ENTPD1: variants seen among roughly 807,000 people sequenced by gnomAD.
ENTPD1 encodes ectonucleoside triphosphate diphosphohydrolase 1.
In ENTPD1, 33 loss-of-function variants were observed where a neutral mutation model predicts 57.0. That is an observed-to-expected ratio of 0.58 (90% CI 0.44 to 0.77). The LOEUF (loss-of-function observed/expected upper bound fraction) is 0.77. ENTPD1 is among the 30% of genes least tolerant of loss of function. ENTPD1 has a pLI of 0.00. For synonymous variants in ENTPD1, 202 were observed against 218.8 expected (o/e 0.92, Z 0.68); for missense variants, 501 against 603.4 (o/e 0.83, Z 1.78).
the ENTPD1 span, among the ~76,000 whole-genome samples, chr10:95,696,709 A>G: frequency 2.0e-5 from 3 of 152,230 alleles, no homozygotes; most frequent in Non-Finnish European, 4.4e-5. Context: ...TGTCATGCAG[A>G]TGTCAGGTTT....
In ENTPD1 at chr10:95,856,642, A is replaced by G. The variant is rs184303643; in HGVS notation, c.1075-3827A>G. On this transcript the variant is annotated intron_variant, in intron 7 of 9. Coordinates refer to ENST00000371205, the MANE Select transcript of ENTPD1 (RefSeq NM_001776.6). ...GACAAAGAAAATGTGGTAAATATATATATGTATGCATATATATATATATAT... is the reference window on the plus strand; with the variant it reads ...GACAAAGAAAATGTGGTAAATATATGTATGTATGCATATATATATATATAT... 1.3e-3 allele frequency among the ~76,000 whole-genome samples: 164 copies of G among 122,268 alleles called. 2 individuals are homozygous for G. In the East Asian group the frequency reaches 0.029, roughly 21 times the overall value. The allele number at this position is 122,268 out of a possible 152,430, so 80.2% of individuals were successfully genotyped here.
Position 95,867,887 on chromosome 10 carries a change from AAACTT to A in ENTPD1, c.*1507_*1511del. ...TTTGACAACATCCAGGTGAATATAA[AAACTT>A]AATAAAGCTGTGGAAAGGAACTCTT... is the stretch of plus-strand genomic sequence containing the variant. On this transcript the variant is annotated 3_prime_UTR_variant, in exon 10 of 10. Transcript: ENST00000371205. 1.0e-6 allele frequency: 1 copy of A among 985,452 alleles called. No homozygotes were observed. Among genetic ancestry groups the A allele is most frequent in the Non-Finnish European group, 1.2e-6 (1 of 829,926 alleles). 61.0% of individuals were successfully genotyped at this position (985,452 alleles called of 1,614,324 possible).
intron 1 of ENTPD1, among the ~76,000 whole-genome samples, chr10:95,818,484 T>C (rs1388005116): frequency 1.3e-5 from 2 of 152,096 alleles, no homozygotes; most frequent in Non-Finnish European, 2.9e-5. Flanking sequence ...AAGATTTCTA[T>C]AGCCACATGA....
At chr10:95,738,863 G>A (rs1217804600) in intron 1 of ENTPD1, among the ~76,000 whole-genome samples, 3 of 152,108 alleles carry the variant, frequency 2.0e-5, no homozygotes, top group Admixed American at 1.3e-4. Context: ...AAAAGAATTT[G>A]CACTCAGACT....
rs548211847 is a variant in ENTPD1 at position 95,835,609 on chromosome 10, C to T, written c.145-4082C>T. Among the ~76,000 whole-genome samples the T allele has an allele frequency of 5.3e-5, 8 of 152,202 alleles. 1 individual carries two copies. Among genetic ancestry groups the T allele is most frequent in the Non-Finnish European group, 1.0e-4 (7 of 68,034 alleles). On this transcript the variant is annotated intron_variant, in intron 2 of 9. Coordinates refer to ENST00000371205, the MANE Select transcript of ENTPD1 (RefSeq NM_001776.6). ...CAATCTTGCCAGCATCTGTTATTTT[C>T]TGACTTCTTAATAGCCATTCTGACT...
chr10:95,856,521 G>C (rs755410128), intron 7 of ENTPD1, among the ~76,000 whole-genome samples: 1 of 152,052 alleles, frequency 6.6e-6, no homozygotes, highest in Admixed American at 6.6e-5. Context: ...ATAAGTCATT[G>C]TATGAAAAAG....
rs937360529 is a variant in ENTPD1, at chr10:95,872,995, C to T, written c.*6612C>T. ...AGGATTAGAATGAACCTTAAAAGAT[C>T]ATGCATCTCAAAATTTAATGTACAT... On this transcript the variant is annotated 3_prime_UTR_variant, in exon 10 of 10. Coordinates refer to ENST00000371205, the MANE Select transcript of ENTPD1 (RefSeq NM_001776.6). 3.0e-6 allele frequency: 3 copies of T among 984,602 alleles called. No homozygotes were observed. Among genetic ancestry groups the T allele is most frequent in the Admixed American group, 1.2e-4 (2 of 16,258 alleles). The allele number at this position is 984,602 out of a possible 1,614,324, so 61.0% of individuals were successfully genotyped here.
chr10:95,708,282 C>T (rs189318001), upstream of ENTPD1, among the ~76,000 whole-genome samples: 23 of 151,752 alleles, frequency 1.5e-4, no homozygotes, highest in Admixed American at 1.3e-3. Context: ...GCCGTGACCT[C>T]GGCTCACTAC....
chr10:95,744,115 G>A (rs374939218), intron 1 of ENTPD1, among the ~76,000 whole-genome samples: 68 of 145,126 alleles, frequency 4.7e-4, no homozygotes, highest in African/African-American at 1.5e-3. Context: ...TGTCTCTAAC[G>A]TTAATCCATT....
At chr10:95,799,185 T>G (rs1415998311) in intron 1 of ENTPD1, among the ~76,000 whole-genome samples, 1 of 152,214 alleles carries the variant, frequency 6.6e-6, no homozygotes, top group Non-Finnish European at 1.5e-5. Flanking sequence ...TGTGCAGGTC[T>G]GTTATATAGG....
chr10:95,810,330 G>C (rs1411799102), intron 1 of ENTPD1, among the ~76,000 whole-genome samples: 2 of 146,916 alleles, frequency 1.4e-5, no homozygotes, highest in African/African-American at 2.5e-5. Flanking sequence ...TCAGTTCCCA[G>C]ATGGGGCGGC....
chr10:95,714,984 G>A (rs1398139266), intron 1 of ENTPD1, among the ~76,000 whole-genome samples: 6 of 152,248 alleles, frequency 3.9e-5, no homozygotes, highest in African/African-American at 7.2e-5. Flanking sequence ...GAAAAGAATC[G>A]TTAAGTTTTC....
rs779049792 is a variant in ENTPD1 at position 95,860,543 on chromosome 10, T to A, written c.1149T>A (p.Thr383=). The A allele has an allele frequency of 1.1e-4, 175 of 1,613,758 alleles. No individual in the cohort carries two copies. The highest frequency in any genetic ancestry group is 4.6e-5 in the Non-Finnish European group (54 of 1,179,812). Residue 383 remains threonine (T), a synonymous_variant, in exon 8 of 10, where the codon ACT becomes ACA. Coordinates refer to ENST00000371205, the MANE Select transcript of ENTPD1 (RefSeq NM_001776.6). ...TSEKVSQEKV[T]EMMKKFCAQP... is the part of the protein sequence containing the mutation. ...AGAAAGTCTCTCAGGAAAAGGTGAC[T>A]GAGATGATGAAAAAGTTCTGTGCTC...
chr10:95,834,483 C>T (rs1007483898), intron 2 of ENTPD1, among the ~76,000 whole-genome samples: 1 of 152,098 alleles, frequency 6.6e-6, no homozygotes, highest in African/African-American at 2.4e-5. Flanking sequence ...ACCATGAGAC[C>T]TATGGGCAAC....
chr10:95,802,869 T>G (rs1353834286), intron 1 of ENTPD1, among the ~76,000 whole-genome samples: 1 of 152,216 alleles, frequency 6.6e-6, no homozygotes, highest in African/African-American at 2.4e-5. Context: ...ACATTTGGGT[T>G]GGTTCCAAGT....
intron 1 of ENTPD1, among the ~76,000 whole-genome samples, chr10:95,787,467 C>A (rs1462844791): frequency 6.6e-6 from 1 of 152,048 alleles, no homozygotes; most frequent in Non-Finnish European, 1.5e-5. Context: ...TAGTATTTGG[C>A]TGTATGAAAA....
Position 95,872,752 on chromosome 10 carries a change from G to A in ENTPD1, c.*6369G>A, listed in dbSNP as rs1006058621. The A allele has an allele frequency of 1.2e-5, 12 of 985,270 alleles. No homozygotes were observed. Among genetic ancestry groups the A allele is most frequent in the African/African-American group, 5.2e-5 (3 of 57,212 alleles). 61.0% of individuals were successfully genotyped at this position (985,270 alleles called of 1,614,324 possible). ...GACTACAAACCCTTCTGTTGCTGGC[G>A]AGCTGGTCCGCACCACTAGTTCTGC... is the stretch of plus-strand genomic sequence containing the variant. On this transcript the variant is annotated 3_prime_UTR_variant, in exon 10 of 10. Transcript: ENST00000371205.
Position 95,823,131 on chromosome 10 carries a change from G to A in ENTPD1, c.17-106G>A, listed in dbSNP as rs1590018158. 3.6e-6 allele frequency: 5 copies of A among 1,372,012 alleles called. No homozygotes were observed. The East Asian group carries it at 1.2e-4, about 32-fold the overall frequency. The allele number at this position is 1,372,012 out of a possible 1,614,324, so 85.0% of individuals were successfully genotyped here. On this transcript the variant is annotated intron_variant, in intron 1 of 9. Transcript: ENST00000371205. ...GATAAAAAAGATTGGCTTTTAATCT[G>A]TCTCTGATGTCTCCAGGTAGCCATT...
chr10:95,864,736 T>G lies in ENTPD1; in HGVS notation c.1201T>G (p.Tyr401Asp). ...ACTTCACTTCTAGATAAAAACATCTTACGCTGGAGTAAAGGAGAAGTACCT... is the reference window on the plus strand; with the variant it reads ...ACTTCACTTCTAGATAAAAACATCTGACGCTGGAGTAAAGGAGAAGTACCT... The part of the protein sequence containing the change: ...AQPWEEIKTS[Y>D]AGVKEKYLSE... The change falls in exon 9 of 10, where the codon TAC (tyrosine) becomes GAC (aspartate). Residue 401 changes from tyrosine (Y) to aspartate (D), a missense_variant. Tyr to Asp is a radical substitution (Grantham distance 160). Transcript: ENST00000371205. 1 of 1,614,150 alleles carries G rather than the reference T, an allele frequency of 6.2e-7. No homozygotes were observed. The highest frequency in any genetic ancestry group is 1.7e-4 in the Middle Eastern group (1 of 6,042).
Sources: allele counts gnomAD v4.1 joint callset (sites outside exome capture counted in the v4.1 genomes callset), GRCh38; gene constraint gnomAD v4.1.1; transcripts MANE v1.5; gene names NCBI Gene and HGNC (gene_info 2026-07-23, HGNC 2026-07-21).